NKAIN3: variants seen among roughly 807,000 people sequenced by gnomAD.
NKAIN3 encodes the protein sodium/potassium-transporting ATPase subunit beta-1-interacting protein 3.
A neutral mutation model predicts 30.2 loss-of-function variants in NKAIN3; 25 were observed. The ratio of observed to expected loss-of-function variants is 0.83; its 90% CI spans 0.60 to 1.16. NKAIN3 has a LOEUF of 1.16. Ranked by LOEUF, NKAIN3 falls within the 50% of genes most tolerant of loss-of-function variation. NKAIN3 has a pLI of 0.00. For missense variants in NKAIN3, 225 were observed against 254.1 expected (o/e 0.89, Z 0.78); for synonymous variants, 91 against 89.6 (o/e 1.02, Z -0.09).
At chr8:62,326,904 AT>A (rs1815159685) in intron 1 of NKAIN3, among the ~76,000 whole-genome samples, 1 of 151,958 alleles carries the variant, frequency 6.6e-6, no homozygotes, top group Admixed American at 6.6e-5. Context: ...GTCCTGCATC[AT>A]TTTACGTTGC....
At chr8:62,862,405 A>C (rs1339203089) in intron 4 of NKAIN3, among the ~76,000 whole-genome samples, 2 of 152,160 alleles carry the variant, frequency 1.3e-5, no homozygotes, top group East Asian at 3.8e-4. Context: ...TGAAAACTAA[A>C]GTGCACTTAT....
At chr8:62,570,220 G>A (rs1809888122) in intron 1 of NKAIN3, among the ~76,000 whole-genome samples, 2 of 152,156 alleles carry the variant, frequency 1.3e-5, no homozygotes, top group South Asian at 2.1e-4. Flanking sequence ...TTATCCTATA[G>A]ACCAGTTTGG....
At chr8:62,349,811 T>C (rs1446195199) in intron 1 of NKAIN3, among the ~76,000 whole-genome samples, 1 of 152,172 alleles carries the variant, frequency 6.6e-6, no homozygotes, top group Non-Finnish European at 1.5e-5. Context: ...TGAAGGTAGA[T>C]ATATCAGACC....
chr8:62,410,821 A>G (rs1361587256), intron 1 of NKAIN3, among the ~76,000 whole-genome samples: 1 of 152,166 alleles, frequency 6.6e-6, no homozygotes, highest in Non-Finnish European at 1.5e-5. Flanking sequence ...GGAAGAGATT[A>G]AAACCATGAA....
At chr8:62,384,240 A>G (rs571775256) in intron 1 of NKAIN3, among the ~76,000 whole-genome samples, 2 of 152,268 alleles carry the variant, frequency 1.3e-5, no homozygotes, top group South Asian at 2.1e-4. Flanking sequence ...CTTGATAGCA[A>G]TAAGAGGTGG....
chr8:62,695,331 A>G (rs1814119810), intron 3 of NKAIN3, among the ~76,000 whole-genome samples: 1 of 152,234 alleles, frequency 6.6e-6, no homozygotes, highest in East Asian at 1.9e-4. Flanking sequence ...GAATTATGGA[A>G]GCAAAGCTTT....
downstream of NKAIN3, among the ~76,000 whole-genome samples, chr8:62,985,305 A>G (rs1824180153): frequency 6.6e-6 from 1 of 152,242 alleles, no homozygotes; most frequent in African/African-American, 2.4e-5. Context: ...CTTTGTAACT[A>G]ACAAGTGTTA....
At chr8:62,934,925 C>G (rs1822735353) in intron 5 of NKAIN3, among the ~76,000 whole-genome samples, 1 of 152,028 alleles carries the variant, frequency 6.6e-6, no homozygotes, top group Admixed American at 6.5e-5. Context: ...ATTGACCTGC[C>G]CATGGACTAT....
intron 5 of NKAIN3, among the ~76,000 whole-genome samples, chr8:62,946,015 T>C (rs1395114051): frequency 6.6e-6 from 1 of 152,238 alleles, no homozygotes; most frequent in Non-Finnish European, 1.5e-5. Flanking sequence ...TTGGACTGCA[T>C]ACTCTATTCT....
intron 1 of NKAIN3, among the ~76,000 whole-genome samples, chr8:62,441,185 A>C (rs1805313589): frequency 6.6e-6 from 1 of 152,158 alleles, no homozygotes; most frequent in Admixed American, 6.6e-5. Flanking sequence ...TTTTTAAAGA[A>C]GTAGGAGATA....
At chr8:62,829,089 A>G (rs1819115408) in intron 4 of NKAIN3, among the ~76,000 whole-genome samples, 1 of 152,220 alleles carries the variant, frequency 6.6e-6, no homozygotes, top group South Asian at 2.1e-4. Context: ...GATAGATAAT[A>G]TAATAATAGA....
chr8:62,253,825 G>A (rs74461827), intron 1 of NKAIN3, among the ~76,000 whole-genome samples: 2,955 of 152,242 alleles, frequency 0.019, 88 homozygotes, highest in African/African-American at 0.065. Flanking sequence ...CTCACCTGTC[G>A]TAGATATTGG....
At chr8:62,276,199 G>A (rs1812952519) in intron 1 of NKAIN3, among the ~76,000 whole-genome samples, 1 of 152,038 alleles carries the variant, frequency 6.6e-6, no homozygotes, top group African/African-American at 2.4e-5. Flanking sequence ...CTTAGTAGCT[G>A]GAATTACAGG....
At chr8:62,939,309 T>C (rs1396368875) in intron 5 of NKAIN3, among the ~76,000 whole-genome samples, 3 of 152,210 alleles carry the variant, frequency 2.0e-5, no homozygotes, top group Non-Finnish European at 4.4e-5. Flanking sequence ...AGGAGAATTC[T>C]AAAAGTTTGG....
At chr8:62,843,108 T>A (rs2130762346) in intron 4 of NKAIN3, among the ~76,000 whole-genome samples, 1 of 151,756 alleles carries the variant, frequency 6.6e-6, no homozygotes, top group East Asian at 2.0e-4. Context: ...TCTTTACAAG[T>A]GGAAGAGAGA....
chr8:62,767,411 C>T (rs919881087), intron 4 of NKAIN3, among the ~76,000 whole-genome samples: 2 of 152,130 alleles, frequency 1.3e-5, no homozygotes, highest in Admixed American at 1.3e-4. Context: ...TGGAAAGCAC[C>T]TACAAGAGAG....
At chr8:62,765,558 A>G (rs929111476) in intron 4 of NKAIN3, among the ~76,000 whole-genome samples, 20 of 152,136 alleles carry the variant, frequency 1.3e-4, no homozygotes, top group African/African-American at 4.8e-4. Flanking sequence ...CAGAATTTAT[A>G]TTTGTATAGG....
At chr8:62,817,365 A>G (rs992885383) in intron 4 of NKAIN3, among the ~76,000 whole-genome samples, 4 of 152,136 alleles carry the variant, frequency 2.6e-5, no homozygotes, top group Admixed American at 1.3e-4. Flanking sequence ...TGAACTTTCC[A>G]TATATTTTCA....
intron 4 of NKAIN3, among the ~76,000 whole-genome samples, chr8:62,867,011 C>A (rs894818141): frequency 6.7e-6 from 1 of 148,596 alleles, no homozygotes; most frequent in East Asian, 2.0e-4. Context: ...GCCGAGATTG[C>A]GCCACTGCAC....
Sources: allele counts gnomAD v4.1 joint callset (sites outside exome capture counted in the v4.1 genomes callset), GRCh38; gene constraint gnomAD v4.1.1; transcripts MANE v1.5; gene names NCBI Gene and HGNC (gene_info 2026-07-23, HGNC 2026-07-21).